MTHFD1: variants seen among roughly 807,000 people sequenced by gnomAD.
MTHFD1 encodes the protein C-1-tetrahydrofolate synthase, cytoplasmic.
Under a neutral mutation model 110.3 loss-of-function variants are expected in MTHFD1, and 44 were observed. That is an observed-to-expected ratio of 0.40 (90% confidence interval 0.31 to 0.51). MTHFD1 has a LOEUF of 0.51. MTHFD1 is among the 20% of genes least tolerant of loss of function. MTHFD1 has a pLI of 0.60. For missense variants in MTHFD1, 909 were observed against 1,173.1 expected, an observed-to-expected ratio of 0.77 and a Z score of 3.29; for synonymous variants, 402 against 428.8, an observed-to-expected ratio of 0.94 and a Z score of 0.77.
chr14:64,427,315 C>A, intron 11 of MTHFD1, 22 bp from the exon 12 acceptor site: 4 of 1,613,824 alleles, frequency 2.5e-6, no homozygotes, highest in Non-Finnish European at 3.4e-6. Context: ...AAACCTTTTT[C>A]TCTTTTGCTT....
intron 1 of MTHFD1, among the ~76,000 whole-genome samples, chr14:64,390,768 C>G (rs1482840129): frequency 6.6e-6 from 1 of 152,188 alleles, no homozygotes; most frequent in Non-Finnish European, 1.5e-5. Context: ...CCTGCCTCAG[C>G]CTCCCGAGTA....
At chr14:64,432,309 A>G (rs1471752110) in intron 15 of MTHFD1, among the ~76,000 whole-genome samples, 1 of 152,238 alleles carries the variant, frequency 6.6e-6, no homozygotes, top group Non-Finnish European at 1.5e-5. Flanking sequence ...TTATATCTAT[A>G]TTTTATTTGA....
chr14:64,407,614 T>C (rs2077945453), intron 2 of MTHFD1, among the ~76,000 whole-genome samples: 1 of 150,710 alleles, frequency 6.6e-6, no homozygotes, highest in East Asian at 2.0e-4. Context: ...ATGTGATCTC[T>C]GCTCACTGAA....
intron 1 of MTHFD1, among the ~76,000 whole-genome samples, chr14:64,394,546 T>C (rs2140941162): frequency 6.7e-6 from 1 of 150,062 alleles, no homozygotes; most frequent in South Asian, 2.1e-4. Flanking sequence ...TGGCTAAGCT[T>C]TTTTTTTTTC....
intron 12 of MTHFD1, 144 bp downstream of exon 12, chr14:64,427,617 T>A: frequency 1.2e-6 from 1 of 863,860 alleles, no homozygotes; most frequent in Non-Finnish European, 1.9e-6. Context: ...TCTGTAGTCA[T>A]GCTTTTGATG....
intron 6 of MTHFD1, among the ~76,000 whole-genome samples, chr14:64,416,430 C>T (rs932239381): frequency 2.0e-5 from 3 of 152,082 alleles, no homozygotes; most frequent in Non-Finnish European, 4.4e-5. Flanking sequence ...GCCCCACCTC[C>T]CCCCACCCCC....
chr14:64,419,412 A>C (rs1427306850), intron 7 of MTHFD1, among the ~76,000 whole-genome samples: 1 of 152,156 alleles, frequency 6.6e-6, no homozygotes, highest in African/African-American at 2.4e-5. Flanking sequence ...CAGTCTCTTA[A>C]ATGTGGGGAG....
chr14:64,451,268 T>G (rs1161952563), intron 24 of MTHFD1, among the ~76,000 whole-genome samples: 2 of 152,182 alleles, frequency 1.3e-5, no homozygotes, highest in Non-Finnish European at 2.9e-5. Flanking sequence ...GTGATCCTCC[T>G]GCCTCAGCCT....
intron 2 of MTHFD1, among the ~76,000 whole-genome samples, chr14:64,409,139 T>G (rs997718264): frequency 2.6e-5 from 4 of 152,160 alleles, no homozygotes; most frequent in African/African-American, 9.7e-5. Context: ...AATAGTTACA[T>G]GTAAAGGAAC....
intron 2 of MTHFD1, among the ~76,000 whole-genome samples, chr14:64,405,641 A>G (rs935372278): frequency 6.6e-6 from 1 of 151,760 alleles, no homozygotes; most frequent in Non-Finnish European, 1.5e-5. Flanking sequence ...CCTCTCATCA[A>G]CTCTTGGAAT....
At position 64,449,582 on chromosome 14, in the gene MTHFD1, C is replaced by T; in HGVS notation, c.2417C>T (p.Ala806Val). The T allele has an allele frequency of 1.2e-6, 2 of 1,614,174 alleles. No homozygotes were observed. Among genetic ancestry groups the T allele is most frequent in the Non-Finnish European group, 1.7e-6 (2 of 1,180,038 alleles). Residue 806 changes from alanine (A) to valine (V), a missense_variant, in exon 24 of 28, where the codon GCA becomes GTA. By Grantham distance (64) the Ala-to-Val change is moderately conservative (BLOSUM62 0). Around this residue, in one of 3 missense-constraint regions of MTHFD1, gnomAD observed 482 missense variants for 646.0 expected, o/e 0.75. Transcript: ENST00000652337. ...CTGGCTCAGGCCGTCCAGAGAGCAG[C>T]ACAAGCACCCAGCAGCTTCCAGCTC... Reference protein sequence around the residue: ...LALAQAVQRAAQAPSSFQLLY... With the variant: ...LALAQAVQRAVQAPSSFQLLY...
At chr14:64,425,407 C>T (rs763981277) in intron 9 of MTHFD1, among the ~76,000 whole-genome samples, 14 of 151,980 alleles carry the variant, frequency 9.2e-5, no homozygotes, top group Non-Finnish European at 1.2e-4. Context: ...AGACAGGTTT[C>T]TCCACGTTGG....
chr14:64,457,140 T>G (rs1199616926), intron 26 of MTHFD1, among the ~76,000 whole-genome samples: 1 of 152,228 alleles, frequency 6.6e-6, no homozygotes, highest in Non-Finnish European at 1.5e-5. Flanking sequence ...ATCTAGATTA[T>G]GTACAAAAGT....
intron 8 of MTHFD1, among the ~76,000 whole-genome samples, chr14:64,422,682 A>C (rs75794025): frequency 0.03 from 4,555 of 152,244 alleles, 240 homozygotes; most frequent in African/African-American, 0.1. Context: ...AGGGTCCCCA[A>C]ATTAAATGTA....
chr14:64,444,799 AC>A, intron 22 of MTHFD1, 65 bp downstream of exon 22: 1 of 1,568,508 alleles, frequency 6.4e-7, no homozygotes, highest in African/African-American at 1.4e-5. Context: ...GCATTTCTCC[AC>A]CTGGCCCATG....
intron 8 of MTHFD1, among the ~76,000 whole-genome samples, chr14:64,422,555 G>A (rs866828140): frequency 2.2e-4 from 33 of 152,070 alleles, no homozygotes; most frequent in African/African-American, 7.0e-4. Flanking sequence ...ATTGAGAAGG[G>A]CCAGATCAAT....
At chr14:64,448,836 G>T (rs973655097) in intron 23 of MTHFD1, among the ~76,000 whole-genome samples, 2 of 150,174 alleles carry the variant, frequency 1.3e-5, no homozygotes, top group African/African-American at 4.9e-5. Context: ...GTCTGTCTCT[G>T]TTGCCCAGGC....
chr14:64,438,041 T>G (rs913541943), intron 16 of MTHFD1, among the ~76,000 whole-genome samples: 9 of 152,112 alleles, frequency 5.9e-5, no homozygotes, highest in African/African-American at 2.2e-4. Flanking sequence ...ACCCGGCTAA[T>G]TTTGTATTTT....
Position 64,415,668 on chromosome 14 carries a change from C to T in MTHFD1, c.407C>T (p.Ala136Val), listed in dbSNP as rs2078020338. 3.1e-6 allele frequency: 5 copies of T among 1,612,924 alleles called. No homozygotes were observed. The highest frequency in any genetic ancestry group is 3.4e-6 in the Non-Finnish European group (4 of 1,179,060). ...GLTSINAGKL[A>V]RGDLNDCFIP... is the part of the protein sequence containing the mutation. Reference sequence around the variant, plus strand: ...ACTAGCATCAATGCTGGGAAACTTGCTAGAGGTGACCTCAATGACTGTTTC... The same window carrying T: ...ACTAGCATCAATGCTGGGAAACTTGTTAGAGGTGACCTCAATGACTGTTTC... Residue 136 changes from alanine (A) to valine (V), a missense_variant, in exon 6 of 28, where the codon GCT (alanine) becomes GTT (valine). This residue lies in a region of MTHFD1 where 424 missense variants were observed against 510.4 expected (regional missense o/e 0.83). Transcript: ENST00000652337.
Sources: gnomAD v4.1 joint callset for allele counts (sites outside exome capture counted in the v4.1 genomes callset) on GRCh38, gnomAD v4.1.1 for gene constraint, gnomAD v4.1.1 regional missense constraint, MANE v1.5 for transcripts, NCBI Gene and HGNC (gene_info 2026-07-23, HGNC 2026-07-21) for gene names.